SPOCK3: variants seen among roughly 807,000 people sequenced by gnomAD.
SPOCK3 encodes the protein testican-3.
In SPOCK3, 30 loss-of-function variants were observed where a neutral mutation model predicts 56.6. The ratio of observed to expected loss-of-function variants is 0.53; its 90% confidence interval spans 0.40 to 0.72. SPOCK3 has a LOEUF of 0.72. Among genes scored for constraint, SPOCK3 ranks in the 30% least tolerant of loss-of-function variants. SPOCK3 has a pLI of 0.00. For missense variants in SPOCK3, 527 were observed against 530.0 expected (o/e 0.99, Z 0.06); for synonymous variants, 196 against 183.3 (o/e 1.07, Z -0.56).
chr4:167,091,076 T>A (rs887823721), intron 2 of SPOCK3, among the ~76,000 whole-genome samples: 2 of 152,188 alleles, frequency 1.3e-5, no homozygotes, highest in Non-Finnish European at 2.9e-5. Flanking sequence ...AAATACTTAA[T>A]GATAGCTAAG....
At chr4:167,161,304 G>T (rs1336498617) in intron 2 of SPOCK3, among the ~76,000 whole-genome samples, 1 of 152,136 alleles carries the variant, frequency 6.6e-6, no homozygotes, top group African/African-American at 2.4e-5. Flanking sequence ...CATCATCACT[G>T]GCCATCAGAG....
At chr4:166,752,743 C>A (rs1340043383) in intron 8 of SPOCK3, among the ~76,000 whole-genome samples, 1 of 151,830 alleles carries the variant, frequency 6.6e-6, no homozygotes, top group Non-Finnish European at 1.5e-5. Flanking sequence ...TAAAAGAATA[C>A]ATAAAAACAA....
intron 2 of SPOCK3, among the ~76,000 whole-genome samples, chr4:167,230,654 G>T (rs113401337): frequency 0.026 from 3,937 of 151,990 alleles, 185 homozygotes; most frequent in African/African-American, 0.089. Flanking sequence ...ATGTTTAAAT[G>T]TGTTGACTTT....
intron 2 of SPOCK3, among the ~76,000 whole-genome samples, chr4:167,107,821 AT>A (rs1352238545): frequency 6.6e-6 from 1 of 151,926 alleles, no homozygotes; most frequent in Non-Finnish European, 1.5e-5. Flanking sequence ...TGAAAAAGAA[AT>A]TAAAAAGTAA....
At chr4:167,136,842 G>T (rs1309540532) in intron 2 of SPOCK3, among the ~76,000 whole-genome samples, 1 of 151,996 alleles carries the variant, frequency 6.6e-6, no homozygotes, top group African/African-American at 2.4e-5. Context: ...TGAGTTCCAG[G>T]ACAGTAGAAA....
chr4:167,109,090 T>TATATTTATATAA (rs1760529699), intron 2 of SPOCK3, among the ~76,000 whole-genome samples: 1 of 13,240 alleles, frequency 7.6e-5, no homozygotes, highest in Non-Finnish European at 1.2e-4. Flanking sequence ...AAAATATATA[T>TATATTTATATAA]AAATATTATA....
At chr4:166,911,579 C>A (rs1737276937) in intron 5 of SPOCK3, among the ~76,000 whole-genome samples, 1 of 151,754 alleles carries the variant, frequency 6.6e-6, no homozygotes, top group Non-Finnish European at 1.5e-5. Flanking sequence ...CTCTTATTGC[C>A]CAGGCTGGAG....
intron 4 of SPOCK3, among the ~76,000 whole-genome samples, chr4:166,937,915 C>T (rs968543416): frequency 1.5e-4 from 22 of 147,132 alleles, no homozygotes; most frequent in Non-Finnish European, 3.0e-4. Context: ...AGGCACCCGC[C>T]ACCACGCCCG....
At chr4:166,979,244 G>C (rs942042923) in intron 4 of SPOCK3, among the ~76,000 whole-genome samples, 1 of 152,036 alleles carries the variant, frequency 6.6e-6, no homozygotes, top group Non-Finnish European at 1.5e-5. Context: ...ACATCCATAT[G>C]CAGGGTGCCT....
intron 6 of SPOCK3, among the ~76,000 whole-genome samples, chr4:166,817,947 A>G (rs183534925): frequency 3.9e-5 from 6 of 152,148 alleles, no homozygotes; most frequent in African/African-American, 1.4e-4. Flanking sequence ...AAAATTACCA[A>G]CTTTTAAAAA....
At chr4:166,911,905 T>C (rs1050207995) in intron 5 of SPOCK3, among the ~76,000 whole-genome samples, 1 of 152,172 alleles carries the variant, frequency 6.6e-6, no homozygotes, top group Non-Finnish European at 1.5e-5. Flanking sequence ...CTTTCTAAAA[T>C]ATATATTTTT....
At chr4:166,991,518 C>A (rs186064329) in intron 4 of SPOCK3, among the ~76,000 whole-genome samples, 42 of 151,726 alleles carry the variant, frequency 2.8e-4, no homozygotes, top group Admixed American at 2.4e-3. Context: ...TACAGGCATG[C>A]GCCACAACAC....
At chr4:166,781,867 A>T (rs1183872423) in intron 7 of SPOCK3, among the ~76,000 whole-genome samples, 2 of 152,200 alleles carry the variant, frequency 1.3e-5, no homozygotes, top group East Asian at 3.8e-4. Flanking sequence ...GACAGGGGTA[A>T]CATGCTGAAA....
intron 2 of SPOCK3, among the ~76,000 whole-genome samples, chr4:167,194,789 AG>A (rs1471274160): frequency 2.0e-5 from 3 of 152,146 alleles, no homozygotes; most frequent in Non-Finnish European, 4.4e-5. Context: ...CTTGGCCAGT[AG>A]GGCTAGTGCT....
At position 166,957,490 on chromosome 4, in the gene SPOCK3, T is replaced by C. The variant is rs182908768; in HGVS notation, c.350+42859A>G. On this transcript the variant is annotated intron_variant, in intron 4 of 10. Transcript: ENST00000357545. ...CCTTCATTCTTCTCCATCTCACTTA[T>C]TTGCAACTCCATCATTCTAGTTGCT... Among the ~76,000 whole-genome samples the C allele has an allele frequency of 3.9e-5, 6 of 152,300 alleles. No individual in the cohort carries two copies. The East Asian group carries it at 1.2e-3, about 29-fold the overall frequency.
At chr4:166,921,720 G>A (rs1738509786) in intron 4 of SPOCK3, among the ~76,000 whole-genome samples, 1 of 152,114 alleles carries the variant, frequency 6.6e-6, no homozygotes, top group Admixed American at 6.6e-5. Context: ...ATATATTAAA[G>A]ACTATAAAAA....
At chr4:166,842,076 G>C (rs974164796) in intron 6 of SPOCK3, among the ~76,000 whole-genome samples, 2 of 152,092 alleles carry the variant, frequency 1.3e-5, no homozygotes, top group East Asian at 1.9e-4. Context: ...TCATTCCTCC[G>C]GGTGGGTTTG....
chr4:166,748,953 G>C, intron 8 of SPOCK3, among the ~76,000 whole-genome samples: 1 of 137,446 alleles, frequency 7.3e-6, no homozygotes, highest in African/African-American at 3.1e-5. Flanking sequence ...TCTCACACCA[G>C]TTAGAATGGT....
At chr4:166,842,189 T>C (rs551847703) in intron 6 of SPOCK3, among the ~76,000 whole-genome samples, 2 of 152,326 alleles carry the variant, frequency 1.3e-5, no homozygotes, top group East Asian at 1.9e-4. Flanking sequence ...CAAGATTTAT[T>C]GCAAAGAACA....
Sources: allele counts gnomAD v4.1 joint callset (sites outside exome capture counted in the v4.1 genomes callset), GRCh38; gene constraint gnomAD v4.1.1; transcripts MANE v1.5; gene names NCBI Gene and HGNC (gene_info 2026-07-23, HGNC 2026-07-21).